Variants in AOPEP observed in about 807,000 individuals in gnomAD.
The protein encoded by AOPEP is aminopeptidase O.
AOPEP carries 77 observed loss-of-function variants against 98.1 expected under a neutral mutation model. The ratio of observed to expected loss-of-function variants is 0.78; its 90% CI spans 0.65 to 0.95. The LOEUF (loss-of-function observed/expected upper bound fraction) is 0.95, where lower values mean the gene tolerates loss of function less well. Ranked by LOEUF, AOPEP falls within the 40% of genes least tolerant of loss-of-function variation. The pLI is 0.00. For missense variants in AOPEP, 1,024 were observed against 1,024.7 expected (o/e 1.00, Z 0.01); for synonymous variants, 346 against 365.3 (o/e 0.95, Z 0.60).
chr9:94,878,380 G>T (rs1249928206), intron 5 of AOPEP, among the ~76,000 whole-genome samples: 1 of 150,700 alleles, frequency 6.6e-6, no homozygotes, highest in Non-Finnish European at 1.5e-5. Context: ...TACAGGTGTG[G>T]GTGTGAGAAG....
At chr9:94,901,394 A>G (rs957623670) in intron 5 of AOPEP, among the ~76,000 whole-genome samples, 2 of 152,010 alleles carry the variant, frequency 1.3e-5, no homozygotes, top group East Asian at 3.9e-4. Flanking sequence ...GAGGATGGGC[A>G]CTGTCTTCAT....
rs183240950 is a variant in AOPEP at position 95,086,709 on chromosome 9, C to T, written c.*32C>T. 6.4e-5 allele frequency: 63 copies of T among 988,262 alleles called. No individual in the cohort carries two copies. The highest frequency in any genetic ancestry group is 6.1e-4 in the Admixed American group (10 of 16,364). 61.2% of individuals were successfully genotyped at this position (988,262 alleles called of 1,614,324 possible). Reference sequence around the variant, plus strand: ...AAGACCACAGCAAGATTCTTTCATTCGTCTCCTCCTAGCCTGGGGGACCAG... The same window carrying T: ...AAGACCACAGCAAGATTCTTTCATTTGTCTCCTCCTAGCCTGGGGGACCAG... On this transcript the variant is annotated 3_prime_UTR_variant, in exon 17 of 17. Coordinates refer to ENST00000375315, the MANE Select transcript of AOPEP (RefSeq NM_001193329.3).
intron 5 of AOPEP, among the ~76,000 whole-genome samples, chr9:94,896,458 G>T (rs943236068): frequency 1.3e-5 from 2 of 152,166 alleles, no homozygotes; most frequent in African/African-American, 2.4e-5. Flanking sequence ...TAGGGAAAGT[G>T]GGGGGAAAGA....
intron 1 of AOPEP, among the ~76,000 whole-genome samples, chr9:94,733,105 C>CTTTTTTTTTTTTT (rs537104658): frequency 3.1e-5 from 4 of 128,926 alleles, no homozygotes; most frequent in Non-Finnish European, 4.9e-5. Context: ...TTTTCTTTCT[C>CTTTTTTTTTTTTT]TTTTTTTTTT....
chr9:94,812,381 C>T (rs1850799748), intron 5 of AOPEP, among the ~76,000 whole-genome samples: 1 of 152,124 alleles, frequency 6.6e-6, no homozygotes, highest in Non-Finnish European at 1.5e-5. Context: ...GCCAACCTGT[C>T]CTCCCCAGAA....
intron 10 of AOPEP, among the ~76,000 whole-genome samples, chr9:94,969,454 A>G (rs1403996431): frequency 1.4e-5 from 2 of 147,678 alleles, no homozygotes; most frequent in Admixed American, 1.4e-4. Flanking sequence ...TCTGTCACCC[A>G]GGCTGGAGTG....
intron 5 of AOPEP, among the ~76,000 whole-genome samples, chr9:94,857,018 T>C (rs2044304724): frequency 6.6e-6 from 1 of 152,260 alleles, no homozygotes; most frequent in East Asian, 1.9e-4. Context: ...ATGGGGCTGT[T>C]GAACTTAAAA....
the AOPEP span, among the ~76,000 whole-genome samples, chr9:95,094,349 T>C: frequency 6.6e-6 from 1 of 152,346 alleles, no homozygotes; most frequent in Admixed American, 6.5e-5. Context: ...ACACATAAGA[T>C]TGACCAGTAT....
chr9:94,910,759 C>T (rs1011046068), intron 5 of AOPEP, among the ~76,000 whole-genome samples: 1 of 152,104 alleles, frequency 6.6e-6, no homozygotes, highest in African/African-American at 2.4e-5. Context: ...TTGGCAGTTC[C>T]TAACACATCT....
intron 5 of AOPEP, among the ~76,000 whole-genome samples, chr9:94,916,085 C>T (rs75294395): frequency 0.016 from 2,398 of 152,284 alleles, 65 homozygotes; most frequent in African/African-American, 0.055. Flanking sequence ...TGAGCTATTA[C>T]GGCTCTCAGT....
chr9:94,816,128 T>C (rs1851652544), intron 5 of AOPEP, among the ~76,000 whole-genome samples: 1 of 152,194 alleles, frequency 6.6e-6, no homozygotes, highest in Non-Finnish European at 1.5e-5. Context: ...AGCCTTAGTG[T>C]ACATTTTTTA....
chr9:95,076,558 A>G, intron 14 of AOPEP, among the ~76,000 whole-genome samples: 1 of 152,252 alleles, frequency 6.6e-6, no homozygotes, highest in Non-Finnish European at 1.5e-5. Flanking sequence ...GTAAGTCAAG[A>G]TATCCTATTA....
rs2069956063 is a variant in AOPEP, at chr9:95,082,606, TGGTG to T, written c.2352_2355del (p.Met784IlefsTer124). 1 of 1,614,074 alleles carries T rather than the reference TGGTG, an allele frequency of 6.2e-7. No individual in the cohort carries two copies. Among genetic ancestry groups the T allele is most frequent in the South Asian group, 1.1e-5 (1 of 91,090 alleles). The stretch of plus-strand genomic sequence containing the variant: ...GGTGTGTACCTCTACGGGGAGCTGA[TGGTG>T]AGTGAGGACGCCAGACAGCAGCAGC... On this transcript the variant is annotated frameshift_variant, in exon 16 of 17. Coordinates refer to ENST00000375315, the MANE Select transcript of AOPEP (RefSeq NM_001193329.3). LOFTEE classifies it high-confidence loss of function.
chr9:94,827,274 AT>A (rs1241123938), intron 5 of AOPEP, among the ~76,000 whole-genome samples: 1 of 152,172 alleles, frequency 6.6e-6, no homozygotes, highest in Non-Finnish European at 1.5e-5. Context: ...CACATATTAA[AT>A]CAGTAAATCT....
At position 94,744,343 on chromosome 9, in the gene AOPEP, A is replaced by G. The variant is rs550993483; in HGVS notation, c.-135-15306A>G. Among the ~76,000 whole-genome samples, 9 of 152,184 alleles carry G rather than the reference A, an allele frequency of 5.9e-5. No homozygotes were observed. The South Asian group carries it at 1.9e-3, about 32-fold the overall frequency. ...GGAGGCGGAGCTTGGCAGTGAGCCG[A>G]GATCGTGCCACTGCACTCCAGCCTG... On this transcript the variant is annotated intron_variant, in intron 1 of 16. Transcript: ENST00000375315.
At chr9:95,100,711 A>G in the AOPEP span, 1 of 227,458 alleles carries the variant, frequency 4.4e-6, no homozygotes, top group Non-Finnish European at 8.7e-6. Flanking sequence ...GCTCACTACA[A>G]CTCCCACCTC....
intron 4 of AOPEP, among the ~76,000 whole-genome samples, chr9:94,795,245 A>G (rs1435753039): frequency 6.6e-6 from 1 of 152,072 alleles, no homozygotes; most frequent in Non-Finnish European, 1.5e-5. Context: ...AAAAAACTGT[A>G]TGTAACATTA....
intron 3 of AOPEP, among the ~76,000 whole-genome samples, chr9:94,779,580 C>T (rs916778497): frequency 2.0e-5 from 3 of 151,744 alleles, no homozygotes; most frequent in African/African-American, 4.8e-5. Context: ...CTTACACATC[C>T]GTAAAGCCAA....
chr9:95,140,048 A>C, the AOPEP span, among the ~76,000 whole-genome samples: 1 of 152,070 alleles, frequency 6.6e-6, no homozygotes, highest in African/African-American at 2.4e-5. Context: ...GAATTCAAGA[A>C]AACAGAGTAA....
Sources: allele counts gnomAD v4.1 joint callset (sites outside exome capture counted in the v4.1 genomes callset), GRCh38; gene constraint gnomAD v4.1.1; transcripts MANE v1.5; gene names NCBI Gene and HGNC (gene_info 2026-07-23, HGNC 2026-07-21).